DPP6: variants seen among roughly 807,000 people sequenced by gnomAD.
DPP6 encodes dipeptidyl peptidase like 6.
In DPP6, 69 loss-of-function variants were observed where a neutral mutation model predicts 122.6. The ratio of observed to expected loss-of-function variants is 0.56; its 90% confidence interval spans 0.46 to 0.69. The LOEUF is 0.69. Ranked by LOEUF, DPP6 falls within the 30% of genes least tolerant of loss-of-function variation. DPP6 has a pLI of 0.00. For missense variants in DPP6, 928 were observed against 1,116.9 expected (o/e 0.83, Z 2.41); for synonymous variants, 418 against 433.1 (o/e 0.97, Z 0.43).
At chr7:154,705,250 A>T (rs1479529534) in intron 7 of DPP6, among the ~76,000 whole-genome samples, 1 of 152,166 alleles carries the variant, frequency 6.6e-6, no homozygotes, top group Non-Finnish European at 1.5e-5. Flanking sequence ...AAAAAGGGGA[A>T]TGTCTTACTT....
intron 7 of DPP6, among the ~76,000 whole-genome samples, chr7:154,699,025 G>A (rs961720471): frequency 6.6e-6 from 1 of 152,168 alleles, no homozygotes; most frequent in African/African-American, 2.4e-5. Context: ...CACCACCCTG[G>A]AGAAGAGCAC....
At chr7:154,828,190 T>C (rs969966960) in intron 16 of DPP6, among the ~76,000 whole-genome samples, 7 of 152,130 alleles carry the variant, frequency 4.6e-5, no homozygotes, top group Non-Finnish European at 8.8e-5. Context: ...TCGTGGGAGA[T>C]ACACAGCCCC....
intron 16 of DPP6, among the ~76,000 whole-genome samples, chr7:154,828,092 G>A (rs1008230900): frequency 6.6e-5 from 10 of 152,090 alleles, no homozygotes; most frequent in African/African-American, 2.4e-4. Context: ...AACTCGAATG[G>A]GGTGTGAAGA....
intron 1 of DPP6, among the ~76,000 whole-genome samples, chr7:153,978,950 G>C (rs531780804): frequency 4.6e-5 from 7 of 152,042 alleles, no homozygotes; most frequent in Non-Finnish European, 7.4e-5. Flanking sequence ...GGTTACTGTA[G>C]CCTTATAGTT....
At chr7:154,335,100 A>T (rs564106999) in intron 1 of DPP6, among the ~76,000 whole-genome samples, 1 of 152,292 alleles carries the variant, frequency 6.6e-6, no homozygotes, top group Non-Finnish European at 1.5e-5. Flanking sequence ...TTTGTGACCC[A>T]TAAGGGAGGG....
At chr7:153,879,720 G>A in the DPP6 span, among the ~76,000 whole-genome samples, 12 of 152,182 alleles carry the variant, frequency 7.9e-5, no homozygotes, top group African/African-American at 2.2e-4. Flanking sequence ...ATTTAACCAC[G>A]TGTTTCTCTT....
chr7:154,162,876 C>T (rs1797052075), intron 1 of DPP6, among the ~76,000 whole-genome samples: 1 of 151,618 alleles, frequency 6.6e-6, no homozygotes. Context: ...TTGTGTGGAA[C>T]TTGACACCCA....
At chr7:154,536,668 A>G (rs1459899515) in intron 3 of DPP6, among the ~76,000 whole-genome samples, 1 of 152,168 alleles carries the variant, frequency 6.6e-6, no homozygotes, top group Non-Finnish European at 1.5e-5. Context: ...ATAAGGGAAA[A>G]TTTCCAGATA....
At chr7:153,869,243 A>G in the DPP6 span, among the ~76,000 whole-genome samples, 1 of 152,190 alleles carries the variant, frequency 6.6e-6, no homozygotes, top group Admixed American at 6.5e-5. Flanking sequence ...TCTAATGTTG[A>G]CAGTGGGGTG....
At chr7:153,758,045 C>A in the DPP6 span, among the ~76,000 whole-genome samples, 1 of 152,094 alleles carries the variant, frequency 6.6e-6, no homozygotes, top group African/African-American at 2.4e-5. Flanking sequence ...AAAAACTATC[C>A]CATAGTAAAA....
chr7:153,806,892 AC>A, the DPP6 span, among the ~76,000 whole-genome samples: 2 of 151,904 alleles, frequency 1.3e-5, no homozygotes, highest in South Asian at 4.2e-4. Flanking sequence ...AATAAAAACT[AC>A]CAGGGAAATC....
chr7:154,057,940 C>T (rs958174176), intron 1 of DPP6: 3 of 150,964 alleles, frequency 2.0e-5, no homozygotes, highest in African/African-American at 7.4e-5. Context: ...TATTTGAGGG[C>T]CTTGGCAGCA....
intron 4 of DPP6, among the ~76,000 whole-genome samples, chr7:154,559,745 C>T (rs1464364819): frequency 6.6e-6 from 1 of 151,792 alleles, no homozygotes; most frequent in Non-Finnish European, 1.5e-5. Context: ...CTACACACCA[C>T]AGAAATATCT....
At chr7:154,399,448 C>A (rs1815376001) in intron 1 of DPP6, among the ~76,000 whole-genome samples, 1 of 152,138 alleles carries the variant, frequency 6.6e-6, no homozygotes, top group Non-Finnish European at 1.5e-5. Flanking sequence ...TGAAGATAAT[C>A]TTACCTACAC....
intron 16 of DPP6, among the ~76,000 whole-genome samples, chr7:154,852,474 G>GCTCTCCTGCCTCTCCTGCCTCTCCTGC (rs553132079): frequency 7.2e-6 from 1 of 139,090 alleles, no homozygotes; most frequent in Non-Finnish European, 1.5e-5. Flanking sequence ...GGCTCTCCTG[G>GCTCTCCTGCCTCTCCTGCCTCTCCTGC]CTCTCCTGCC....
chr7:154,739,398 C>T (rs1361232821), intron 8 of DPP6, among the ~76,000 whole-genome samples: 2 of 152,156 alleles, frequency 1.3e-5, no homozygotes, highest in Non-Finnish European at 1.5e-5. Context: ...AAGCAGGCAG[C>T]CGTCCAGGGC....
rs540663105 is a variant in DPP6 at position 154,052,629 on chromosome 7, G to A, written c.-192G>A. 2.0e-5 allele frequency: 26 copies of A among 1,273,384 alleles called. No homozygotes were observed. The highest frequency in any genetic ancestry group is 6.8e-5 in the Admixed American group (2 of 29,406). 78.9% of individuals were successfully genotyped at this position (1,273,384 alleles called of 1,614,324 possible). A position where few individuals can be genotyped will look rare whatever the true frequency, so the allele number is the denominator to read the frequency against. On this transcript the variant is annotated 5_prime_UTR_variant, in exon 1 of 26. Coordinates refer to ENST00000377770, the MANE Select transcript of DPP6 (RefSeq NM_130797.4). This position sits in a 1 kb window ranked among gnomAD's most constrained non-coding sequence, Gnocchi z 4.8. ...GGAGGAGGCTGAGCCAGGCAGAGTC[G>A]CCAGCGGAGACTCGCGAGTGGCGCG...
intron 1 of DPP6, among the ~76,000 whole-genome samples, chr7:153,910,118 A>G (rs1165807646): frequency 6.6e-6 from 1 of 151,972 alleles, no homozygotes; most frequent in East Asian, 1.9e-4. Flanking sequence ...TTCTCTTGTT[A>G]ATCTGTCTTA....
At chr7:154,417,992 A>C (rs1817168965) in intron 1 of DPP6, among the ~76,000 whole-genome samples, 1 of 152,226 alleles carries the variant, frequency 6.6e-6, no homozygotes, top group Non-Finnish European at 1.5e-5. Context: ...GATCACTTTG[A>C]TAAACAATTA....
Sources: allele counts gnomAD v4.1 joint callset (sites outside exome capture counted in the v4.1 genomes callset), GRCh38; gene constraint gnomAD v4.1.1; non-coding constraint Gnocchi (gnomAD v3.1); transcripts MANE v1.5; gene names NCBI Gene and HGNC (gene_info 2026-07-23, HGNC 2026-07-21).